VCL: variants seen among roughly 807,000 people sequenced by gnomAD.
VCL encodes epididymis luminal protein 114.
A neutral mutation model predicts 125.7 loss-of-function variants in VCL; 47 were observed. That is an observed-to-expected ratio of 0.37 (90% CI 0.30 to 0.48). The LOEUF is 0.48. Among genes scored for constraint, VCL ranks in the 20% least tolerant of loss-of-function variants. The pLI is 0.99. For synonymous variants in VCL, 458 were observed against 514.6 expected (o/e 0.89, Z 1.49); for missense variants, 1,069 against 1,455.5 (o/e 0.73, Z 4.32).
chr10:74,115,040 G>A (rs1244320303), intron 21 of VCL, 141 bp downstream of exon 21: 2 of 885,868 alleles, frequency 2.3e-6, no homozygotes, highest in Non-Finnish European at 3.6e-6. Context: ...TGTCTCAGGA[G>A]GGGAAAGTCT....
In VCL at chr10:74,105,062, G is replaced by A. The variant is rs1022329091; in HGVS notation, c.2143G>A (p.Glu715Lys). The A allele has an allele frequency of 3.1e-6, 5 of 1,614,124 alleles. No homozygotes were observed. The highest frequency in any genetic ancestry group is 1.1e-5 in the South Asian group (1 of 91,068). Residue 715 changes from glutamate to lysine, a missense_variant, in exon 16 of 22, where the codon GAA (glutamate) becomes AAA (lysine). Transcript: ENST00000211998. Reference sequence around the variant, plus strand: ...TGTTTTCCTAACAGGGCTGGTGGACGAAGCCATTGATACCAAATCTCTGTT... The same window carrying A: ...TGTTTTCCTAACAGGGCTGGTGGACAAAGCCATTGATACCAAATCTCTGTT... The part of the protein sequence containing the change: ...NVEKMTGLVD[E>K]AIDTKSLLDA...
intron 2 of VCL, among the ~76,000 whole-genome samples, chr10:74,070,373 G>A (rs1310163682): frequency 6.6e-6 from 1 of 152,104 alleles, no homozygotes; most frequent in Non-Finnish European, 1.5e-5. Context: ...ATTTTTTGTT[G>A]TCAGGAAATA....
At chr10:74,104,045 G>A in intron 15 of VCL, 117 bp downstream of exon 15, 1 of 1,042,496 alleles carries the variant, frequency 9.6e-7, no homozygotes, top group Non-Finnish European at 1.4e-6. Context: ...GTCACGTGCT[G>A]AGCAGTGTAC....
chr10:74,067,022 C>T (rs977439016), intron 2 of VCL, among the ~76,000 whole-genome samples: 1 of 152,116 alleles, frequency 6.6e-6, no homozygotes, highest in South Asian at 2.1e-4. Context: ...AAAATTTATA[C>T]AATCTTTTAC....
intron 10 of VCL, 68 bp from the exon 11 acceptor site, chr10:74,094,203 T>C (rs1839930661): frequency 1.3e-6 from 2 of 1,590,950 alleles, no homozygotes; most frequent in Non-Finnish European, 1.7e-6. Context: ...CATTTGTCAT[T>C]AGCAGCTAAG....
intron 2 of VCL, among the ~76,000 whole-genome samples, chr10:74,043,574 C>T (rs1420771316): frequency 2.0e-5 from 3 of 151,782 alleles, no homozygotes; most frequent in Non-Finnish European, 4.4e-5. Flanking sequence ...CTTGAACTTC[C>T]GACCTCAGGT....
chr10:74,096,580 A>G (rs1234051740), intron 12 of VCL, among the ~76,000 whole-genome samples: 1 of 152,230 alleles, frequency 6.6e-6, no homozygotes, highest in African/African-American at 2.4e-5. Flanking sequence ...GTATATATCC[A>G]GAAAACTTAA....
rs144146254 is a variant in VCL, at chr10:74,090,140, C to T, written c.1294C>T (p.Leu432=). ...CDDPKERDDI[L]RSLGEISALT... ...TGATCCTAAAGAAAGAGATGACATT[C>T]TACGTTCCCTTGGGGAAATATCTGC... Residue 432 remains leucine (L), a synonymous_variant, in exon 10 of 22, where the codon CTA becomes TTA. Transcript: ENST00000211998. The T allele has an allele frequency of 3.1e-6, 5 of 1,614,058 alleles. No individual in the cohort carries two copies. Among genetic ancestry groups the T allele is most frequent in the Non-Finnish European group, 4.2e-6 (5 of 1,180,036 alleles).
chr10:74,055,646 C>A (rs540016624), intron 2 of VCL, among the ~76,000 whole-genome samples: 2 of 152,170 alleles, frequency 1.3e-5, no homozygotes, highest in African/African-American at 2.4e-5. Flanking sequence ...CCACGCCTGG[C>A]CAATTTAGTA....
intron 16 of VCL, 140 bp from the exon 17 acceptor site, chr10:74,107,090 C>A: frequency 2.2e-6 from 3 of 1,381,222 alleles, no homozygotes; most frequent in Non-Finnish European, 2.0e-6. Context: ...CCTGCCTCCC[C>A]CCTTCTTCAA....
intron 2 of VCL, among the ~76,000 whole-genome samples, chr10:74,060,633 G>C (rs1477672599): frequency 1.5e-5 from 2 of 129,412 alleles, no homozygotes; most frequent in African/African-American, 6.2e-5. Context: ...TCCAGCCTGG[G>C]CAACAGAATG....
At chr10:74,091,748 C>T (rs558875745) in intron 10 of VCL, among the ~76,000 whole-genome samples, 157 of 134,364 alleles carry the variant, frequency 1.2e-3, no homozygotes, top group African/African-American at 4.3e-3. Context: ...GAGATTGTGC[C>T]GCTGCACTCC....
At chr10:74,117,019 T>C (rs1840320633) in intron 21 of VCL, among the ~76,000 whole-genome samples, 1 of 152,250 alleles carries the variant, frequency 6.6e-6, no homozygotes, top group African/African-American at 2.4e-5. Flanking sequence ...AGATCCTTCC[T>C]TGACTTTCTA....
chr10:74,072,592 A>G, intron 4 of VCL, 138 bp from the exon 5 acceptor site: 1 of 1,198,738 alleles, frequency 8.3e-7, no homozygotes, highest in South Asian at 1.3e-5. Context: ...ATTAGAGTTC[A>G]GTGATGGTGT....
Position 74,109,083 on chromosome 10 carries a change from G to C in VCL, c.2672G>C (p.Gly891Ala), listed in dbSNP as rs727503740. 1 of 1,614,112 alleles carries C rather than the reference G, an allele frequency of 6.2e-7. No homozygotes were observed. Among genetic ancestry groups the C allele is most frequent in the Non-Finnish European group, 8.5e-7 (1 of 1,180,006 alleles). ...KDEEFPEQKA[G>A]EVINQPMMMA... ...GAAGAGTTCCCTGAGCAGAAGGCCG[G>C]GGAGGTGATTAACCAGCCAATGATG... Residue 891 changes from glycine (G) to alanine (A), a missense_variant, in exon 18 of 22, where the codon GGG becomes GCG. Around this residue, in one of 6 missense-constraint regions of VCL, gnomAD observed 28 missense variants for 65.1 expected, o/e 0.43. Coordinates refer to ENST00000211998, the MANE Select transcript of VCL (RefSeq NM_014000.3).
At chr10:74,020,937 G>T (rs1174228753) in intron 1 of VCL, among the ~76,000 whole-genome samples, 1 of 151,798 alleles carries the variant, frequency 6.6e-6, no homozygotes, top group Non-Finnish European at 1.5e-5. Context: ...AATGGTGGCG[G>T]GATTGAATGG....
At chr10:74,053,626 T>C (rs1405869942) in intron 2 of VCL, among the ~76,000 whole-genome samples, 1 of 152,184 alleles carries the variant, frequency 6.6e-6, no homozygotes, top group Non-Finnish European at 1.5e-5. Context: ...TTTTTTCTTT[T>C]TTGAGATAGC....
chr10:74,022,405 G>T (rs574203474), intron 1 of VCL, among the ~76,000 whole-genome samples: 115 of 151,722 alleles, frequency 7.6e-4, no homozygotes, highest in African/African-American at 2.7e-3. Context: ...AATTAGCCGG[G>T]CATGATGGCA....
Position 74,089,120 on chromosome 10 carries a change from G to A in VCL, c.1023-76G>A. ...CCAAGCATGTTCATGAAAACCACAT[G>A]TACTGTGCTATTGGGAATATTTTGT... On this transcript the variant is annotated intron_variant, in intron 8 of 21. Transcript: ENST00000211998. 4 of 1,595,272 alleles carry A rather than the reference G, an allele frequency of 2.5e-6. No individual in the cohort carries two copies. In the South Asian group the frequency reaches 4.5e-5, roughly 18 times the overall value.
Sources: allele counts gnomAD v4.1 joint callset (sites outside exome capture counted in the v4.1 genomes callset), GRCh38; gene constraint gnomAD v4.1.1; regional missense constraint gnomAD v4.1.1; transcripts MANE v1.5; gene names NCBI Gene and HGNC (gene_info 2026-07-23, HGNC 2026-07-21).